RASEF: variants seen among roughly 807,000 people sequenced by gnomAD.
RASEF encodes the protein ras and EF-hand domain-containing protein.
A neutral mutation model predicts 90.1 loss-of-function variants in RASEF; 68 were observed. That is an observed-to-expected ratio of 0.75 (90% CI 0.62 to 0.92). The LOEUF is 0.92. Among genes scored for constraint, RASEF ranks in the 40% least tolerant of loss-of-function variants. The probability of loss-of-function intolerance (pLI) is 0.00; values close to 1 mark genes in which losing one functional copy is unlikely to be tolerated. For synonymous variants in RASEF, 331 were observed against 345.2 expected (o/e 0.96, Z 0.46); for missense variants, 949 against 937.2 (o/e 1.01, Z -0.16).
the RASEF span, among the ~76,000 whole-genome samples, chr9:83,158,694 G>GCA: frequency 1.4e-5 from 2 of 144,622 alleles, no homozygotes; most frequent in Non-Finnish European, 3.0e-5. Flanking sequence ...ATACATATAT[G>GCA]TATATATTTA....
chr9:83,095,396 G>A, the RASEF span, among the ~76,000 whole-genome samples: 2,083 of 150,796 alleles, frequency 0.014, 54 homozygotes, highest in African/African-American at 0.048. Context: ...GGCAGTAGTG[G>A]ACTACTGAGA....
At chr9:83,202,418 G>A in the RASEF span, among the ~76,000 whole-genome samples, 13 of 152,094 alleles carry the variant, frequency 8.5e-5, no homozygotes, top group African/African-American at 2.9e-4. Context: ...ACATTGTAAT[G>A]ATAGAAAGCT....
the RASEF span, among the ~76,000 whole-genome samples, chr9:83,119,008 CTTTT>C: frequency 2.1e-5 from 3 of 141,086 alleles, no homozygotes; most frequent in Admixed American, 1.4e-4. Context: ...TTTTTCTTTT[CTTTT>C]TTTTTTTTTT....
intron 10 of RASEF, 32 bp downstream of exon 10, chr9:83,000,864 G>A (rs1328166992): frequency 6.5e-7 from 1 of 1,534,818 alleles, no homozygotes. Flanking sequence ...TCACGTAGAA[G>A]GCCTAGGAGA....
At chr9:83,194,752 A>G in the RASEF span, among the ~76,000 whole-genome samples, 79 of 152,280 alleles carry the variant, frequency 5.2e-4, no homozygotes, top group African/African-American at 1.9e-3. Flanking sequence ...CATTTATTTT[A>G]TACTTTCAGT....
At chr9:82,999,984 GACACACACACACACACACACACACAC>G (rs55873985) in intron 12 of RASEF, among the ~76,000 whole-genome samples, 159 bp downstream of exon 12, 9 of 141,112 alleles carry the variant, frequency 6.4e-5, no homozygotes, top group South Asian at 2.4e-4. Flanking sequence ...TAGACTAGGA[GACACACACACACACACACACACACAC>G]ACACACACAC....
In RASEF at chr9:82,982,625, C is replaced by T. The variant is rs1414971062; in HGVS notation, c.*52G>A. The T allele has an allele frequency of 9.8e-7, 1 of 1,024,558 alleles. No individual in the cohort carries two copies. The allele number at this position is 1,024,558 out of a possible 1,614,324, so 63.5% of individuals were successfully genotyped here. On this transcript the variant is annotated 3_prime_UTR_variant, in exon 17 of 17. Transcript: ENST00000376447. Reference sequence around the variant, plus strand: ...TCTGTTAAGAGCCAAATAAGTCACACAAATTCAGTATTCTGGAAATGAAGA... The same window carrying T: ...TCTGTTAAGAGCCAAATAAGTCACATAAATTCAGTATTCTGGAAATGAAGA...
chr9:83,206,716 T>C, the RASEF span, among the ~76,000 whole-genome samples: 1 of 152,228 alleles, frequency 6.6e-6, no homozygotes, highest in African/African-American at 2.4e-5. Flanking sequence ...CGGAGGCCTG[T>C]GTCTCATCCC....
At chr9:83,181,161 T>A in the RASEF span, among the ~76,000 whole-genome samples, 3 of 148,860 alleles carry the variant, frequency 2.0e-5, no homozygotes, top group Non-Finnish European at 4.4e-5. Flanking sequence ...GAGGTATATG[T>A]CCAGAATGGG....
At chr9:83,175,676 G>A in the RASEF span, among the ~76,000 whole-genome samples, 27 of 152,026 alleles carry the variant, frequency 1.8e-4, no homozygotes, top group Non-Finnish European at 3.2e-4. Flanking sequence ...CACCTTCTGG[G>A]TTCACGCCAT....
intron 16 of RASEF, among the ~76,000 whole-genome samples, chr9:82,988,398 A>G (rs1226870058): frequency 1.3e-5 from 2 of 152,216 alleles, no homozygotes; most frequent in Non-Finnish European, 2.9e-5. Context: ...ACATACAAAA[A>G]AACACACAAA....
the RASEF span, among the ~76,000 whole-genome samples, chr9:83,184,973 C>G: frequency 1.3e-5 from 2 of 152,110 alleles, no homozygotes; most frequent in African/African-American, 2.4e-5. Flanking sequence ...GGCCCAGACC[C>G]AGGCTCTGCC....
chr9:83,207,579 AGTTATCTCAGG>A, the RASEF span, among the ~76,000 whole-genome samples: 2 of 144,366 alleles, frequency 1.4e-5, no homozygotes, highest in East Asian at 4.3e-4. Context: ...ACTGCCTCAG[AGTTATCTCAGG>A]AGGGCTGCTT....
At chr9:83,183,300 T>TG in the RASEF span, among the ~76,000 whole-genome samples, 7 of 146,500 alleles carry the variant, frequency 4.8e-5, no homozygotes, top group African/African-American at 1.8e-4. Context: ...ATTTGTGTTT[T>TG]TGTGGAAAAC....
the RASEF span, among the ~76,000 whole-genome samples, chr9:83,079,095 GC>G: frequency 6.6e-6 from 1 of 152,146 alleles, no homozygotes; most frequent in Non-Finnish European, 1.5e-5. Flanking sequence ...TGTCGCGATT[GC>G]TTTTGGTGTC....
intron 15 of RASEF, 42 bp downstream of exon 15, chr9:82,992,864 A>C (rs979013006): frequency 6.2e-7 from 1 of 1,601,772 alleles, no homozygotes. Flanking sequence ...AAGCCATTAA[A>C]CCCCATGTTC....
At chr9:83,144,622 T>C in the RASEF span, among the ~76,000 whole-genome samples, 4 of 151,870 alleles carry the variant, frequency 2.6e-5, no homozygotes, top group African/African-American at 9.7e-5. Context: ...AATGTGTAGG[T>C]TGAAAAACCA....
chr9:83,141,139 A>T, the RASEF span, among the ~76,000 whole-genome samples: 375 of 117,672 alleles, frequency 3.2e-3, 4 homozygotes, highest in Non-Finnish European at 5.5e-3. Context: ...GCAAAATTCC[A>T]TCTCAAAAAA....
chr9:83,186,066 G>A, the RASEF span, among the ~76,000 whole-genome samples: 16 of 152,160 alleles, frequency 1.1e-4, no homozygotes, highest in African/African-American at 2.9e-4. Flanking sequence ...AAGTATAGGG[G>A]CTGCCTGAGC....
Sources: gnomAD v4.1 joint callset for allele counts (sites outside exome capture counted in the v4.1 genomes callset) on GRCh38, gnomAD v4.1.1 for gene constraint, MANE v1.5 for transcripts, NCBI Gene and HGNC (gene_info 2026-07-23, HGNC 2026-07-21) for gene names.